ACAD11: variants seen among roughly 807,000 people sequenced by gnomAD.
ACAD11 encodes acyl-Coenzyme A dehydrogenase family, member 11.
In ACAD11, 83 loss-of-function variants were observed where a neutral mutation model predicts 102.2. The observed-to-expected ratio is 0.81, with a 90% confidence interval of 0.68 to 0.97. The LOEUF is 0.97. Ranked by LOEUF, ACAD11 falls within the 50% of genes least tolerant of loss-of-function variation. ACAD11 has a pLI of 0.00. For synonymous variants in ACAD11, 324 were observed against 319.8 expected (o/e 1.01, Z -0.14); for missense variants, 901 against 951.7 (o/e 0.95, Z 0.70).
intron 11 of ACAD11, among the ~76,000 whole-genome samples, chr3:132,611,589 CAG>C (rs1227290088): frequency 6.6e-6 from 1 of 152,012 alleles, no homozygotes; most frequent in Non-Finnish European, 1.5e-5. Context: ...AACAGAGAAA[CAG>C]AGAGCCAAAT....
Position 132,558,996 on chromosome 3 carries a change from G to A in ACAD11, c.2318C>T (p.Ala773Val). ...AIATMELRDQ[A>V]KRLTAKI Reference sequence around the variant, plus strand: ...TTATATCTTGGCTGTCAGTCTTTTGGCTTGGTCCCGCAGCTCCATTGTTGC... The same window carrying A: ...TTATATCTTGGCTGTCAGTCTTTTGACTTGGTCCCGCAGCTCCATTGTTGC... The change falls in exon 20 of 20, where the codon GCC becomes GTC. Residue 773 changes from alanine to valine, a missense_variant. Transcript: ENST00000264990. The A allele has an allele frequency of 6.2e-7, 1 of 1,613,462 alleles. No homozygotes were observed. The highest frequency in any genetic ancestry group is 2.2e-5 in the East Asian group (1 of 44,860).
intron 11 of ACAD11, among the ~76,000 whole-genome samples, chr3:132,617,251 T>G (rs992552658): frequency 1.3e-5 from 2 of 152,218 alleles, no homozygotes; most frequent in Admixed American, 6.5e-5. Context: ...CTAGATATAC[T>G]GAATCAGAAT....
chr3:132,631,348 T>A lies in ACAD11; in HGVS notation c.834A>T (p.Glu278Asp). The A allele has an allele frequency of 6.9e-7, 1 of 1,446,756 alleles. No individual in the cohort carries two copies. The highest frequency in any genetic ancestry group is 1.4e-5 in the African/African-American group (1 of 69,710). The allele number at this position is 1,446,756 out of a possible 1,614,324, so 89.6% of individuals were successfully genotyped here. A position where few individuals can be genotyped will look rare whatever the true frequency, so the allele number is the denominator to read the frequency against. Reference sequence around the variant, plus strand: ...AACATTATGTTTTTATACCTGAGTTTTCACTATAAGAACCTTGATTTATCA... The same window carrying A: ...AACATTATGTTTTTATACCTGAGTTATCACTATAAGAACCTTGATTTATCA... ...VPMINQGSYSENSGIPSMEEL... is the reference protein window; with the variant it reads ...VPMINQGSYSDNSGIPSMEEL... The change falls in exon 6 of 20, where the codon GAA (glutamate) becomes GAT (aspartate). Residue 278 changes from glutamate to aspartate, a missense_variant. Physicochemically the swap from Glu to Asp is conservative, Grantham distance 45 (BLOSUM62 2). Transcript: ENST00000264990.
chr3:132,636,983 T>C (rs563787263), intron 5 of ACAD11, among the ~76,000 whole-genome samples: 1 of 152,134 alleles, frequency 6.6e-6, no homozygotes, highest in Non-Finnish European at 1.5e-5. Context: ...AAAGCCATTT[T>C]TTAAATGTCA....
intron 13 of ACAD11, among the ~76,000 whole-genome samples, chr3:132,595,016 A>C (rs1447298708): frequency 6.6e-6 from 1 of 152,214 alleles, no homozygotes; most frequent in East Asian, 1.9e-4. Flanking sequence ...GTTCTAATAC[A>C]GGGTGAAAGA....
At position 132,575,384 on chromosome 3, in the gene ACAD11, G is replaced by A. The variant is rs147810458; in HGVS notation, c.2001+388C>T. Among the ~76,000 whole-genome samples, 832 of 152,232 alleles carry A rather than the reference G, an allele frequency of 5.5e-3. 5 individuals carry two copies. The highest frequency in any genetic ancestry group is 7.6e-3 in the Non-Finnish European group (518 of 68,000). Reference sequence around the variant, plus strand: ...TTCTCCTTTCCCTGAGTTTTGGGCTGTTTTCCTGTAACTTTACACTTATGT... The same window carrying A: ...TTCTCCTTTCCCTGAGTTTTGGGCTATTTTCCTGTAACTTTACACTTATGT... On this transcript the variant is annotated intron_variant, in intron 17 of 19. Transcript: ENST00000264990.
chr3:132,632,834 G>C (rs979850726), intron 5 of ACAD11, among the ~76,000 whole-genome samples: 6 of 152,110 alleles, frequency 3.9e-5, no homozygotes, highest in African/African-American at 1.2e-4. Context: ...TATTCTCTTT[G>C]AAGCAATTGT....
intron 1 of ACAD11, chr3:132,645,905 ACCAC>A (rs1234866069): frequency 3.9e-5 from 6 of 152,176 alleles, no homozygotes; most frequent in African/African-American, 1.4e-4. Context: ...AGGAAATAGG[ACCAC>A]CACAGGCTAT....
intron 13 of ACAD11, among the ~76,000 whole-genome samples, chr3:132,592,075 CTGTTGTCATCA>C (rs1391183029): frequency 2.0e-5 from 3 of 152,032 alleles, no homozygotes; most frequent in African/African-American, 7.3e-5. Flanking sequence ...AGTTGGATGT[CTGTTGTCATCA>C]TGAAGTAGAG....
chr3:132,583,294 G>A (rs1203741724), intron 13 of ACAD11, among the ~76,000 whole-genome samples: 6 of 152,158 alleles, frequency 3.9e-5, no homozygotes, highest in East Asian at 1.9e-4. Flanking sequence ...TGTATGCGTC[G>A]AGGAATTTAT....
At chr3:132,571,946 C>G (rs1937393919) in intron 17 of ACAD11, among the ~76,000 whole-genome samples, 1 of 151,964 alleles carries the variant, frequency 6.6e-6, no homozygotes, top group South Asian at 2.1e-4. Context: ...ATGACAAAAC[C>G]ACAGCAAACA....
At chr3:132,601,746 G>A (rs1938612456) in intron 13 of ACAD11, 1 of 423,930 alleles carries the variant, frequency 2.4e-6, no homozygotes. Flanking sequence ...TATCTTGGTT[G>A]CAGTGGTGCT....
At position 132,605,727 on chromosome 3, in the gene ACAD11, C is replaced by A. The variant is rs376130954; in HGVS notation, c.1415-522G>T. On this transcript the variant is annotated intron_variant, in intron 11 of 19. Coordinates refer to ENST00000264990, the MANE Select transcript of ACAD11 (RefSeq NM_032169.5). ...CCTGTCCTTCACAAGTAAATTCCTG[C>A]GTATGAGCCACCTCCTCTGCAAAGA... Among the ~76,000 whole-genome samples the A allele has an allele frequency of 3.3e-5, 5 of 152,286 alleles. No homozygotes were observed. The East Asian group carries it at 7.7e-4, about 23-fold the overall frequency.
intron 13 of ACAD11, among the ~76,000 whole-genome samples, chr3:132,594,952 C>T (rs1421930872): frequency 2.6e-5 from 4 of 152,072 alleles, no homozygotes; most frequent in East Asian, 1.9e-4. Flanking sequence ...TCTTGGTACT[C>T]GGGATATATC....
intron 17 of ACAD11, among the ~76,000 whole-genome samples, chr3:132,565,226 C>A (rs1937176164): frequency 6.6e-6 from 1 of 152,170 alleles, no homozygotes; most frequent in Non-Finnish European, 1.5e-5. Context: ...GCTCCCCTGC[C>A]AGGAAGGTAT....
intron 17 of ACAD11, among the ~76,000 whole-genome samples, chr3:132,563,713 T>C (rs1337289556): frequency 6.6e-6 from 1 of 152,184 alleles, no homozygotes; most frequent in Non-Finnish European, 1.5e-5. Context: ...TACAATCACA[T>C]TGTCATCTAC....
At chr3:132,619,011 A>T (rs957835898) in intron 10 of ACAD11, 2 of 388,884 alleles carry the variant, frequency 5.1e-6, no homozygotes, top group Admixed American at 4.5e-5. Context: ...TGGCTGAAAA[A>T]TTAAGTTTGC....
intron 1 of ACAD11, among the ~76,000 whole-genome samples, chr3:132,658,107 C>T (rs948738429): frequency 2.6e-5 from 4 of 152,134 alleles, no homozygotes; most frequent in East Asian, 1.9e-4. Context: ...AAGTGATCCA[C>T]GTGCCTCGGC....
chr3:132,571,324 T>A (rs1288575825), intron 17 of ACAD11, among the ~76,000 whole-genome samples: 1 of 151,984 alleles, frequency 6.6e-6, no homozygotes, highest in Non-Finnish European at 1.5e-5. Context: ...TCTGTTCATG[T>A]CTTTGGCCTA....
Sources: allele counts gnomAD v4.1 joint callset (sites outside exome capture counted in the v4.1 genomes callset), GRCh38; gene constraint gnomAD v4.1.1; transcripts MANE v1.5; gene names NCBI Gene and HGNC (gene_info 2026-07-23, HGNC 2026-07-21).